LAMA2: variants seen among roughly 807,000 people sequenced by gnomAD.
The protein encoded by LAMA2 is laminin subunit alpha 2, also known as laminin subunit alpha-2.
Under a neutral mutation model 364.8 loss-of-function variants are expected in LAMA2, and 269 were observed. That is an observed-to-expected ratio of 0.74 (90% CI 0.67 to 0.82). The LOEUF is 0.82. Ranked by LOEUF, LAMA2 falls within the 40% of genes least tolerant of loss-of-function variation. The probability of loss-of-function intolerance (pLI) is 0.00; values close to 1 mark genes in which losing one functional copy is unlikely to be tolerated. For synonymous variants in LAMA2, 1,379 were observed against 1,370.6 expected, an observed-to-expected ratio of 1.01 and a Z score of -0.14; for missense variants, 3,807 against 3,873.2, an observed-to-expected ratio of 0.98 and a Z score of 0.45.
chr6:129,147,644 T>C (rs1778548863), intron 6 of LAMA2, among the ~76,000 whole-genome samples: 1 of 152,054 alleles, frequency 6.6e-6, no homozygotes, highest in South Asian at 2.1e-4. Flanking sequence ...TGAATGAGCA[T>C]CTATTTTTCC....
chr6:129,221,683 TTA>T (rs57443722), intron 12 of LAMA2, among the ~76,000 whole-genome samples: 20,105 of 152,108 alleles, frequency 0.13, 3,308 homozygotes, highest in African/African-American at 0.39. Flanking sequence ...CCACTTGACA[TTA>T]TCTTTTAAAG....
intron 14 of LAMA2, among the ~76,000 whole-genome samples, chr6:129,252,549 G>A (rs1024710154): frequency 6.6e-6 from 1 of 152,040 alleles, no homozygotes; most frequent in Non-Finnish European, 1.5e-5. Context: ...GATCAATAAC[G>A]ATTCCTATAT....
intron 51 of LAMA2, among the ~76,000 whole-genome samples, chr6:129,471,172 G>A (rs886155449): frequency 6.6e-6 from 1 of 151,790 alleles, no homozygotes; most frequent in Non-Finnish European, 1.5e-5. Flanking sequence ...GAAATTTTGT[G>A]TCAATAGCCT....
At chr6:129,236,777 A>G (rs974113052) in intron 12 of LAMA2, among the ~76,000 whole-genome samples, 3 of 152,074 alleles carry the variant, frequency 2.0e-5, no homozygotes, top group East Asian at 1.9e-4. Context: ...ATTTTTCCTC[A>G]TCTTATACAA....
intron 2 of LAMA2, 150 bp downstream of exon 2, chr6:129,050,238 T>A: frequency 1.3e-6 from 1 of 768,196 alleles, no homozygotes; most frequent in Non-Finnish European, 2.2e-6. Context: ...GGCCCCTCTC[T>A]GTCATTCAGC....
At chr6:129,216,649 T>G (rs1323016965) in intron 12 of LAMA2, among the ~76,000 whole-genome samples, 1 of 152,196 alleles carries the variant, frequency 6.6e-6, no homozygotes, top group Non-Finnish European at 1.5e-5. Context: ...AGAAAATTAT[T>G]ATATCTTTTT....
intron 16 of LAMA2, among the ~76,000 whole-genome samples, chr6:129,267,514 C>T (rs1787602878): frequency 6.6e-6 from 1 of 151,938 alleles, no homozygotes; most frequent in African/African-American, 2.4e-5. Context: ...TATATGGTTT[C>T]ACTTTCTTCC....
chr6:129,368,427 G>T (rs1373467971), intron 33 of LAMA2, among the ~76,000 whole-genome samples: 1 of 152,204 alleles, frequency 6.6e-6, no homozygotes, highest in Admixed American at 6.5e-5. Context: ...AACCTTGAAA[G>T]CCAGGCAGAG....
At chr6:129,064,336 A>G (rs1789141099) in intron 3 of LAMA2, among the ~76,000 whole-genome samples, 3 of 149,104 alleles carry the variant, frequency 2.0e-5, no homozygotes, top group Admixed American at 1.4e-4. Flanking sequence ...TCTAAAATTA[A>G]CAACCTAAGG....
intron 13 of LAMA2, 119 bp from the exon 14 acceptor site, chr6:129,251,965 A>G: frequency 1.5e-6 from 1 of 666,000 alleles, no homozygotes; most frequent in Non-Finnish European, 2.6e-6. Context: ...AAAAATAAAC[A>G]TAAATTTTTA....
rs188241493 is a variant in LAMA2 at position 129,165,993 on chromosome 6, G to A, written c.1306+318G>A. 9.2e-5 allele frequency among the ~76,000 whole-genome samples: 14 copies of A among 152,228 alleles called. No individual in the cohort carries two copies. In the East Asian group the frequency reaches 2.3e-3, roughly 25 times the overall value. ...GTGGTATATGTAATTTTTTCATATC[G>A]TGTTATTTATTAGATTGTTTGTAGC... On this transcript the variant is annotated intron_variant, in intron 9 of 64. Transcript: ENST00000421865.
intron 4 of LAMA2, among the ~76,000 whole-genome samples, chr6:129,143,021 A>G (rs1778221143): frequency 6.6e-6 from 1 of 152,034 alleles, no homozygotes; most frequent in African/African-American, 2.4e-5. Context: ...CCGTGCCAAC[A>G]GTACCTTTTA....
intron 1 of LAMA2, chr6:128,905,621 T>G (rs1268858706): frequency 6.6e-6 from 1 of 151,930 alleles, no homozygotes; most frequent in Non-Finnish European, 1.5e-5. Context: ...TTTTTTTATT[T>G]TTTATTTTTA....
intron 1 of LAMA2, among the ~76,000 whole-genome samples, chr6:128,936,505 G>C (rs2114529739): frequency 6.6e-6 from 1 of 152,194 alleles, no homozygotes; most frequent in South Asian, 2.1e-4. Context: ...ATACATTCCA[G>C]GACCCCCAGA....
At chr6:129,243,799 G>A (rs265387) in intron 12 of LAMA2, among the ~76,000 whole-genome samples, 98,954 of 151,706 alleles carry the variant, frequency 0.65, 34,057 homozygotes, top group Non-Finnish European at 0.77. Context: ...AAAGGACATA[G>A]TTATTGTGAA....
intron 56 of LAMA2, 100 bp from the exon 57 acceptor site, chr6:129,491,801 C>G: frequency 2.0e-6 from 2 of 988,942 alleles, no homozygotes; most frequent in Admixed American, 2.0e-5. Context: ...CCCTTAAAAG[C>G]TATGGTTGAG....
intron 4 of LAMA2, among the ~76,000 whole-genome samples, chr6:129,116,402 T>C (rs1385340938): frequency 1.3e-5 from 2 of 152,282 alleles, no homozygotes; most frequent in East Asian, 3.9e-4. Context: ...GTTTGTCTCC[T>C]TAGCCCCAAA....
chr6:129,185,196 C>G (rs1282120320), intron 10 of LAMA2, among the ~76,000 whole-genome samples: 2 of 151,824 alleles, frequency 1.3e-5, no homozygotes, highest in Non-Finnish European at 2.9e-5. Flanking sequence ...CTAACAATCA[C>G]AGTTCAATAT....
At chr6:128,921,951 T>G (rs916040761) in intron 1 of LAMA2, among the ~76,000 whole-genome samples, 1 of 149,598 alleles carries the variant, frequency 6.7e-6, no homozygotes, top group Non-Finnish European at 1.5e-5. Flanking sequence ...AGTGAGAATA[T>G]GCGGTGTTTG....
Sources: allele counts gnomAD v4.1 joint callset (sites outside exome capture counted in the v4.1 genomes callset), GRCh38; gene constraint gnomAD v4.1.1; transcripts MANE v1.5; gene names NCBI Gene and HGNC (gene_info 2026-07-23, HGNC 2026-07-21).